POLA2: variants seen among roughly 807,000 people sequenced by gnomAD.
POLA2 encodes DNA polymerase alpha 2, accessory subunit.
POLA2 carries 47 observed loss-of-function variants against 82.8 expected under a neutral mutation model. The ratio of observed to expected loss-of-function variants is 0.57; its 90% confidence interval spans 0.45 to 0.72. The LOEUF (loss-of-function observed/expected upper bound fraction) is 0.72, where lower values mean the gene tolerates loss of function less well. Ranked by LOEUF, POLA2 falls within the 30% of genes least tolerant of loss-of-function variation. The pLI, the probability that POLA2 is intolerant of heterozygous loss-of-function variation, is 0.00. For missense variants in POLA2, 634 were observed against 728.1 expected, an observed-to-expected ratio of 0.87 and a Z score of 1.49; for synonymous variants, 287 against 286.8, an observed-to-expected ratio of 1.00 and a Z score of -0.01.
chr11:65,269,923 C>T (rs1043195009), intron 4 of POLA2, among the ~76,000 whole-genome samples: 5 of 152,304 alleles, frequency 3.3e-5, no homozygotes, highest in African/African-American at 1.2e-4. Flanking sequence ...CAACCTCCGC[C>T]TCCCGGGTTC....
chr11:65,294,360 G>T, intron 14 of POLA2, 99 bp downstream of exon 14: 1 of 1,057,718 alleles, frequency 9.5e-7, no homozygotes, highest in Non-Finnish European at 1.5e-6. Flanking sequence ...GCCTCTTTAG[G>T]GTGTGCGTAC....
intron 4 of POLA2, among the ~76,000 whole-genome samples, chr11:65,275,330 C>T (rs1425507291): frequency 6.8e-6 from 1 of 147,640 alleles, no homozygotes; most frequent in Non-Finnish European, 1.5e-5. Flanking sequence ...TTTCAGCCTC[C>T]GTTCTGGGCT....
At position 65,262,280 on chromosome 11, in the gene POLA2, G is replaced by A. The variant is rs765596468; in HGVS notation, c.-13G>A. ...TGGGTGGGCCGGCTCCCCGGCCCCTGGCTTGGGCGACCATGTCCGCATCCG... is the reference window on the plus strand; with the variant it reads ...TGGGTGGGCCGGCTCCCCGGCCCCTAGCTTGGGCGACCATGTCCGCATCCG... On this transcript the variant is annotated 5_prime_UTR_variant, in exon 1 of 18. Coordinates refer to ENST00000265465, the MANE Select transcript of POLA2 (RefSeq NM_002689.4). The A allele has an allele frequency of 1.6e-5, 26 of 1,610,514 alleles. No homozygotes were observed. The highest frequency in any genetic ancestry group is 2.2e-5 in the Non-Finnish European group (26 of 1,178,482).
intron 1 of POLA2, among the ~76,000 whole-genome samples, chr11:65,265,828 CCGATT>C (rs1399995829): frequency 6.6e-6 from 1 of 152,204 alleles, no homozygotes; most frequent in African/African-American, 2.4e-5. Context: ...TCAGGCTTTG[CCGATT>C]CATCCTCAGA....
At chr11:65,296,503 TA>T (rs1037545485) in intron 17 of POLA2, 8 of 158,038 alleles carry the variant, frequency 5.1e-5, no homozygotes, top group African/African-American at 9.7e-5. Flanking sequence ...CTCAAGAGGT[TA>T]AAAAAAAGTT....
intron 1 of POLA2, among the ~76,000 whole-genome samples, chr11:65,265,710 TCAAA>T (rs1294986365): frequency 6.6e-6 from 1 of 152,194 alleles, no homozygotes; most frequent in African/African-American, 2.4e-5. Flanking sequence ...ACTTCTGGGT[TCAAA>T]CAGTCTGCCC....
At chr11:65,263,681 G>C (rs1949426015) in intron 1 of POLA2, among the ~76,000 whole-genome samples, 1 of 152,094 alleles carries the variant, frequency 6.6e-6, no homozygotes, top group African/African-American at 2.4e-5. Flanking sequence ...TACAAAATTA[G>C]TCGGGCGTGG....
intron 5 of POLA2, among the ~76,000 whole-genome samples, chr11:65,278,132 A>G (rs971496753): frequency 1.3e-5 from 2 of 152,202 alleles, no homozygotes; most frequent in African/African-American, 4.8e-5. Flanking sequence ...TTTACCAGTC[A>G]GGGAGTGGAA....
intron 9 of POLA2, among the ~76,000 whole-genome samples, chr11:65,282,211 G>A (rs1949648837): frequency 6.6e-6 from 1 of 152,146 alleles, no homozygotes; most frequent in African/African-American, 2.4e-5. Context: ...CACCTGTTTT[G>A]CTCCCACTTG....
At chr11:65,304,168 C>T (rs1435773146) in intron 8 of POLA2, among the ~76,000 whole-genome samples, 2 of 152,136 alleles carry the variant, frequency 1.3e-5, no homozygotes, top group Non-Finnish European at 2.9e-5. Flanking sequence ...TCCACCCATC[C>T]GTCCACCCAT....
intron 4 of POLA2, among the ~76,000 whole-genome samples, chr11:65,272,572 C>T (rs1949532985): frequency 6.6e-6 from 1 of 152,180 alleles, no homozygotes; most frequent in African/African-American, 2.4e-5. Flanking sequence ...GAGGACTTGA[C>T]GTTCCCATAC....
At chr11:65,282,570 A>C in intron 10 of POLA2, 49 bp downstream of exon 10, 1 of 1,504,374 alleles carries the variant, frequency 6.6e-7, no homozygotes, top group Non-Finnish European at 9.3e-7. Context: ...GATGGTAGAC[A>C]TGAGTCCAGG....
chr11:65,283,717 G>A (rs967729386), intron 10 of POLA2, among the ~76,000 whole-genome samples: 26 of 151,934 alleles, frequency 1.7e-4, no homozygotes, highest in Non-Finnish European at 2.5e-4. Context: ...CTTGTGATCC[G>A]CCTGCCTTGG....
In POLA2 at chr11:65,289,081, A is replaced by G; in HGVS notation, c.1163A>G (p.Gln388Arg). Residue 388 changes from glutamine to arginine, a missense_variant, in exon 12 of 18, where the codon CAG becomes CGG. Coordinates refer to ENST00000265465, the MANE Select transcript of POLA2 (RefSeq NM_002689.4). ...CCTTTCCTGGATGCTAAGCATGAAC[A>G]GGTGGAGGTGAGTGGGCTGGGGTGG... Reference protein sequence around the residue: ...FGPFLDAKHEQVENCLLTSPF... With the variant: ...FGPFLDAKHERVENCLLTSPF... 1 of 1,527,854 alleles carries G rather than the reference A, an allele frequency of 6.5e-7. No individual in the cohort carries two copies. The highest frequency in any genetic ancestry group is 8.9e-7 in the Non-Finnish European group (1 of 1,119,642). The allele number at this position is 1,527,854 out of a possible 1,614,324, so 94.6% of individuals were successfully genotyped here.
intron 1 of POLA2, among the ~76,000 whole-genome samples, chr11:65,262,827 T>G (rs1316856287): frequency 2.6e-5 from 4 of 152,182 alleles, no homozygotes; most frequent in African/African-American, 4.8e-5. Context: ...CTGTTGGTGG[T>G]CTGTGCAAAT....
Position 65,275,366 on chromosome 11 carries a change from CAAAAAAAAAAA to C in POLA2, c.355-516_355-506del, listed in dbSNP as rs760641138. 3.5e-5 allele frequency among the ~76,000 whole-genome samples: 3 copies of C among 85,808 alleles called. No homozygotes were observed. In the East Asian group the frequency reaches 9.7e-4, roughly 28 times the overall value. 56.3% of individuals were successfully genotyped at this position (85,808 alleles called of 152,430 possible). The stretch of plus-strand genomic sequence containing the variant: ...TATCTTTGGATTCTTGTTGATGAGT[CAAAAAAAAAAA>C]AAAAAAAAAGGAGTGACCATCAGAT... On this transcript the variant is annotated intron_variant, in intron 4 of 17. Transcript: ENST00000265465.
chr11:65,291,409 A>C (rs979717709), intron 13 of POLA2, among the ~76,000 whole-genome samples: 1 of 152,338 alleles, frequency 6.6e-6, no homozygotes, highest in Admixed American at 6.5e-5. Flanking sequence ...AACTCACCCC[A>C]GAATCAGAGA....
rs192000318 is a variant in POLA2 at position 65,296,873 on chromosome 11, C to T, written c.1648-247C>T. 1.0e-4 allele frequency among the ~76,000 whole-genome samples: 15 copies of T among 148,912 alleles called. No homozygotes were observed. The East Asian group carries it at 2.8e-3, about 28-fold the overall frequency. ...CTGAGGCAGGAGAATCGCTGGAACCCGGGAGGTCGAGGCTGCAGTGAGCTG... is the reference window on the plus strand; with the variant it reads ...CTGAGGCAGGAGAATCGCTGGAACCTGGGAGGTCGAGGCTGCAGTGAGCTG... On this transcript the variant is annotated intron_variant, in intron 17 of 17. Transcript: ENST00000265465.
rs890028943 is a variant in POLA2, at chr11:65,282,348, C to A, written c.964-131C>A. 1.1e-5 allele frequency: 8 copies of A among 734,720 alleles called. No individual in the cohort carries two copies. The Admixed American group carries it at 1.2e-4, about 11-fold the overall frequency. The allele number at this position is 734,720 out of a possible 1,614,324, so 45.5% of individuals were successfully genotyped here. A position where few individuals can be genotyped will look rare whatever the true frequency, so the allele number is the denominator to read the frequency against. ...GAGCAAGACAGAGGCACATCCTTCC[C>A]CTGCCCTCTCGCTCCTCCCCACTGT... is the stretch of plus-strand genomic sequence containing the variant. On this transcript the variant is annotated intron_variant, in intron 9 of 17. Transcript: ENST00000265465.
Sources: gnomAD v4.1 joint callset for allele counts (sites outside exome capture counted in the v4.1 genomes callset) on GRCh38, gnomAD v4.1.1 for gene constraint, MANE v1.5 for transcripts, NCBI Gene and HGNC (gene_info 2026-07-23, HGNC 2026-07-21) for gene names.